Variants in PDE4B observed in about 807,000 individuals in gnomAD.
The protein encoded by PDE4B is 3',5'-cyclic-AMP phosphodiesterase 4B.
A neutral mutation model predicts 82.2 loss-of-function variants in PDE4B; 20 were observed. The observed-to-expected ratio is 0.24, with a 90% CI of 0.17 to 0.35. PDE4B has a LOEUF of 0.35. PDE4B is among the 10% of genes least tolerant of loss of function. The probability of loss-of-function intolerance (pLI) is 1.00; values close to 1 mark genes in which losing one functional copy is unlikely to be tolerated. For synonymous variants in PDE4B, 320 were observed against 318.9 expected (o/e 1.00, Z -0.04); for missense variants, 655 against 907.2 (o/e 0.72, Z 3.57).
At chr1:65,959,999 C>T (rs1017802993) in intron 3 of PDE4B, among the ~76,000 whole-genome samples, 2 of 152,116 alleles carry the variant, frequency 1.3e-5, no homozygotes, top group Non-Finnish European at 1.5e-5. Context: ...GCATGAGCCA[C>T]GTGCCTGGCT....
rs571966615 is a variant in PDE4B at position 66,372,741 on chromosome 1, G to A, written c.*63G>A. 1.3e-6 allele frequency: 2 copies of A among 1,531,358 alleles called. No homozygotes were observed. Among genetic ancestry groups the A allele is most frequent in the East Asian group, 2.3e-5 (1 of 44,266 alleles). 94.9% of individuals were successfully genotyped at this position (1,531,358 alleles called of 1,614,324 possible). On this transcript the variant is annotated 3_prime_UTR_variant, in exon 17 of 17. Coordinates refer to ENST00000341517, the MANE Select transcript of PDE4B (RefSeq NM_002600.4). ...ATGAGCATGCCAGCTATGTGGTAGG[G>A]CCAGCCCACCATGGGGGCCAAGACC...
intron 1 of PDE4B, among the ~76,000 whole-genome samples, chr1:65,823,344 C>T (rs1645976927): frequency 6.8e-6 from 1 of 146,032 alleles, no homozygotes. Flanking sequence ...TGCAGTGAGC[C>T]AAGATCGCAC....
At chr1:66,061,863 T>C (rs1655599540) in intron 3 of PDE4B, among the ~76,000 whole-genome samples, 1 of 152,146 alleles carries the variant, frequency 6.6e-6, no homozygotes, top group Admixed American at 6.5e-5. Context: ...TCATGGCACA[T>C]GTATACCTAT....
intron 3 of PDE4B, among the ~76,000 whole-genome samples, chr1:66,107,821 C>G (rs771857142): frequency 2.4e-4 from 37 of 151,878 alleles, no homozygotes; most frequent in Admixed American, 5.9e-4. Context: ...AGCCTCAACT[C>G]AAGACAATAA....
intron 7 of PDE4B, among the ~76,000 whole-genome samples, chr1:66,297,581 C>A (rs190830837): frequency 7.9e-5 from 12 of 152,216 alleles, no homozygotes; most frequent in Admixed American, 6.5e-4. Context: ...CTTTTACTTT[C>A]TCATGCATTT....
At chr1:66,326,698 G>A (rs546039787) in intron 7 of PDE4B, among the ~76,000 whole-genome samples, 2 of 152,114 alleles carry the variant, frequency 1.3e-5, no homozygotes, top group Admixed American at 6.5e-5. Flanking sequence ...AGAAAGTGTG[G>A]GTGACTTGAC....
chr1:66,024,706 T>G (rs1417687923), intron 3 of PDE4B, among the ~76,000 whole-genome samples: 2 of 152,070 alleles, frequency 1.3e-5, no homozygotes, highest in African/African-American at 4.8e-5. Flanking sequence ...TTTGGATCAG[T>G]AAATAGATGG....
chr1:66,088,726 T>A (rs958768358), intron 3 of PDE4B, among the ~76,000 whole-genome samples: 1 of 152,008 alleles, frequency 6.6e-6, no homozygotes, highest in African/African-American at 2.4e-5. Context: ...TCATTGGGGC[T>A]TTTTTTCTCT....
chr1:65,817,462 T>G (rs1645899885), intron 1 of PDE4B, among the ~76,000 whole-genome samples: 1 of 152,212 alleles, frequency 6.6e-6, no homozygotes, highest in Non-Finnish European at 1.5e-5. Context: ...CATACATGGC[T>G]TGCTGATGGG....
intron 1 of PDE4B, among the ~76,000 whole-genome samples, chr1:65,808,031 G>A (rs188171822): frequency 1.3e-3 from 204 of 152,188 alleles, no homozygotes; most frequent in African/African-American, 4.4e-3. Context: ...ACAGAGCATC[G>A]ACCTCTAGAC....
At chr1:66,211,739 G>A (rs756173490) in intron 3 of PDE4B, among the ~76,000 whole-genome samples, 3 of 152,170 alleles carry the variant, frequency 2.0e-5, no homozygotes, top group Non-Finnish European at 2.9e-5. Context: ...CCAAGTTTGC[G>A]TAACTTTGAA....
intron 3 of PDE4B, among the ~76,000 whole-genome samples, chr1:66,164,273 T>C (rs1350951413): frequency 6.6e-6 from 1 of 152,056 alleles, no homozygotes; most frequent in East Asian, 1.9e-4. Flanking sequence ...CACAGTGGCT[T>C]ACACCTGTAA....
At chr1:65,949,955 A>G (rs922101657) in intron 3 of PDE4B, among the ~76,000 whole-genome samples, 1 of 152,050 alleles carries the variant, frequency 6.6e-6, no homozygotes, top group Non-Finnish European at 1.5e-5. Context: ...AGACCTGCCT[A>G]GACTGAGATC....
At chr1:66,195,841 A>C (rs1456870631) in intron 3 of PDE4B, among the ~76,000 whole-genome samples, 1 of 152,080 alleles carries the variant, frequency 6.6e-6, no homozygotes, top group East Asian at 1.9e-4. Context: ...AAGAAGCAGC[A>C]AAAACTATTT....
At chr1:65,828,947 C>CTCAACCAG (rs1333888722) in intron 1 of PDE4B, among the ~76,000 whole-genome samples, 2 of 152,074 alleles carry the variant, frequency 1.3e-5, no homozygotes, top group Admixed American at 1.3e-4. Context: ...AATATATAAA[C>CTCAACCAG]TCAACCAGAT....
intron 3 of PDE4B, among the ~76,000 whole-genome samples, chr1:66,198,522 T>G (rs993326583): frequency 6.6e-6 from 1 of 152,152 alleles, no homozygotes; most frequent in Non-Finnish European, 1.5e-5. Context: ...TAGAAATACA[T>G]GTGTTTCCAA....
intron 1 of PDE4B, among the ~76,000 whole-genome samples, chr1:65,883,594 A>T (rs527909859): frequency 6.6e-6 from 1 of 152,144 alleles, no homozygotes; most frequent in Non-Finnish European, 1.5e-5. Context: ...CAATCATGTC[A>T]TCTGCAAACA....
At chr1:66,328,826 C>T (rs775580069) in intron 7 of PDE4B, among the ~76,000 whole-genome samples, 5 of 152,178 alleles carry the variant, frequency 3.3e-5, no homozygotes, top group South Asian at 2.1e-4. Flanking sequence ...TGTTAGCAGC[C>T]GTCTTTGCCC....
At chr1:66,184,281 C>G (rs535938946) in intron 3 of PDE4B, among the ~76,000 whole-genome samples, 1 of 152,160 alleles carries the variant, frequency 6.6e-6, no homozygotes, top group South Asian at 2.1e-4. Context: ...TTAGGAGGTT[C>G]CATATAAATC....
Sources: gnomAD v4.1 joint callset for allele counts (sites outside exome capture counted in the v4.1 genomes callset) on GRCh38, gnomAD v4.1.1 for gene constraint, MANE v1.5 for transcripts, NCBI Gene and HGNC (gene_info 2026-07-23, HGNC 2026-07-21) for gene names.